Variants in METTL15 observed in about 807,000 individuals in gnomAD.
METTL15 encodes 12S rRNA N(4)-cytidine methyltransferase METTL15.
In METTL15, 34 loss-of-function variants were observed where a neutral mutation model predicts 38.3. That is an observed-to-expected ratio of 0.89 (90% CI 0.68 to 1.18). The LOEUF (loss-of-function observed/expected upper bound fraction) is 1.18, where lower values mean the gene tolerates loss of function less well. Ranked by LOEUF, METTL15 falls within the 50% of genes most tolerant of loss-of-function variation. The pLI is 0.00. For synonymous variants in METTL15, 162 were observed against 170.9 expected, an observed-to-expected ratio of 0.95 and a Z score of 0.41; for missense variants, 438 against 498.4, an observed-to-expected ratio of 0.88 and a Z score of 1.15.
intron 6 of METTL15, among the ~76,000 whole-genome samples, chr11:28,489,149 C>T (rs1012899843): frequency 6.6e-6 from 1 of 152,224 alleles, no homozygotes; most frequent in African/African-American, 2.4e-5. Context: ...GGCTGATGCT[C>T]CTAGCTCCTC....
chr11:28,113,931 G>C (rs1851832226), intron 3 of METTL15, among the ~76,000 whole-genome samples: 1 of 152,218 alleles, frequency 6.6e-6, no homozygotes, highest in African/African-American at 2.4e-5. Flanking sequence ...AGGTAGGTTA[G>C]ACTAAGCTAT....
At chr11:28,312,272 T>G (rs1857330594) in intron 6 of METTL15, among the ~76,000 whole-genome samples, 1 of 152,204 alleles carries the variant, frequency 6.6e-6, no homozygotes, top group South Asian at 2.1e-4. Flanking sequence ...CCAATTATTG[T>G]TATTCATTAA....
At chr11:28,346,866 C>T (rs1482210466) in intron 3 of METTL15, among the ~76,000 whole-genome samples, 1 of 152,068 alleles carries the variant, frequency 6.6e-6, no homozygotes, top group Admixed American at 6.6e-5. Flanking sequence ...GGTTAGCCTC[C>T]ACAGGTGCAC....
At chr11:28,286,321 C>A (rs1192850597) in intron 4 of METTL15, among the ~76,000 whole-genome samples, 10 of 152,082 alleles carry the variant, frequency 6.6e-5, no homozygotes, top group African/African-American at 2.4e-4. Context: ...TTACAAAATA[C>A]CTTCATAGCA....
intron 6 of METTL15, among the ~76,000 whole-genome samples, chr11:28,447,194 G>A (rs1190030193): frequency 1.3e-5 from 2 of 151,930 alleles, no homozygotes; most frequent in Admixed American, 6.6e-5. Context: ...GAGCATCTTA[G>A]GCTGTTTAAT....
At chr11:28,443,158 G>T (rs7111851) in intron 6 of METTL15, among the ~76,000 whole-genome samples, 1 of 151,930 alleles carries the variant, frequency 6.6e-6, no homozygotes, top group Admixed American at 6.6e-5. Context: ...AGGAAAGTGG[G>T]ATTAAAAGAA....
chr11:28,310,954 TGGTGGTG>T (rs1857268274), intron 6 of METTL15, among the ~76,000 whole-genome samples: 3 of 90,766 alleles, frequency 3.3e-5, no homozygotes, highest in East Asian at 3.5e-4. Flanking sequence ...GTGGTGGTGG[TGGTGGTG>T]GTGGGTGTGT....
intron 6 of METTL15, among the ~76,000 whole-genome samples, chr11:28,478,093 A>G (rs1190667478): frequency 6.6e-6 from 1 of 152,210 alleles, no homozygotes; most frequent in Non-Finnish European, 1.5e-5. Flanking sequence ...ACTTTATTTT[A>G]TATTTTATTT....
intron 3 of METTL15, among the ~76,000 whole-genome samples, chr11:28,137,402 G>A (rs761273181): frequency 1.8e-4 from 27 of 152,192 alleles, no homozygotes; most frequent in Middle Eastern, 3.4e-3. Context: ...TGCACCTTGC[G>A]GGTGAATCTG....
At chr11:28,378,883 C>T (rs1408722121) in intron 5 of METTL15, among the ~76,000 whole-genome samples, 1 of 148,830 alleles carries the variant, frequency 6.7e-6, no homozygotes, top group Non-Finnish European at 1.5e-5. Context: ...CTTTTTATTA[C>T]AACTTTTATC....
At chr11:28,392,883 C>T (rs1850526560) in intron 5 of METTL15, among the ~76,000 whole-genome samples, 1 of 151,864 alleles carries the variant, frequency 6.6e-6, no homozygotes, top group African/African-American at 2.4e-5. Flanking sequence ...ATACAAATGG[C>T]TAACAGGCTT....
chr11:28,218,780 T>A (rs1440368399), intron 4 of METTL15, among the ~76,000 whole-genome samples: 8 of 152,208 alleles, frequency 5.3e-5, no homozygotes, highest in African/African-American at 1.9e-4. Flanking sequence ...GGCTGTTGAA[T>A]TTTTTCAAAG....
At position 28,330,537 on chromosome 11, in the gene METTL15, A is replaced by G; in HGVS notation, c.920A>G (p.Gln307Arg). The change falls in exon 7 of 7, where the codon CAG (glutamine) becomes CGG (arginine). Residue 307 changes from glutamine to arginine, a missense_variant. Coordinates refer to ENST00000407364, the MANE Select transcript of METTL15 (RefSeq NM_001113528.2). ...CTCTACACGGGACTGAAGACAGCTCAGAAGTTTCTGAGACCTGGTGGTCGT... is the reference window on the plus strand; with the variant it reads ...CTCTACACGGGACTGAAGACAGCTCGGAAGTTTCTGAGACCTGGTGGTCGT... ...NELYTGLKTAQKFLRPGGRLV... is the reference protein window; with the variant it reads ...NELYTGLKTARKFLRPGGRLV... The G allele has an allele frequency of 1.3e-6, 2 of 1,551,698 alleles. No individual in the cohort carries two copies. The highest frequency in any genetic ancestry group is 1.7e-6 in the Non-Finnish European group (2 of 1,146,982).
intron 5 of METTL15, among the ~76,000 whole-genome samples, chr11:28,381,709 T>C (rs1023208545): frequency 1.6e-4 from 24 of 152,302 alleles, no homozygotes; most frequent in African/African-American, 5.3e-4. Flanking sequence ...TGTTTGATTT[T>C]TTAAATTGTT....
At chr11:28,239,347 AG>A (rs1854183175) in intron 4 of METTL15, among the ~76,000 whole-genome samples, 2 of 152,238 alleles carry the variant, frequency 1.3e-5, no homozygotes, top group Admixed American at 6.5e-5. Context: ...ATAATAAAAA[AG>A]CATACTAATC....
At chr11:28,242,166 G>T (rs544841982) in intron 4 of METTL15, among the ~76,000 whole-genome samples, 11 of 152,114 alleles carry the variant, frequency 7.2e-5, no homozygotes, top group Non-Finnish European at 1.3e-4. Flanking sequence ...TATAGAAGAA[G>T]TATACATATG....
intron 5 of METTL15, among the ~76,000 whole-genome samples, chr11:28,403,826 A>G (rs183278039): frequency 1.3e-5 from 2 of 151,204 alleles, no homozygotes; most frequent in Admixed American, 1.3e-4. Flanking sequence ...TTTTTCTTGC[A>G]AGTTTTCTTT....
At position 28,359,542 on chromosome 11, in the gene METTL15, A is replaced by G. The variant is rs567478657; in HGVS notation, c.*259-2395A>G. 9.2e-5 allele frequency among the ~76,000 whole-genome samples: 14 copies of G among 152,288 alleles called. No homozygotes were observed. The South Asian group carries it at 2.3e-3, about 25-fold the overall frequency. On this transcript the variant is annotated intron_variant and NMD_transcript_variant, in intron 4 of 7. Coordinates refer to the METTL15 transcript ENST00000532947. ...TGAACTTATTTTCATTCCCACCAAC[A>G]GTATATAATTGTTCCCTTTTCTCCG...
At chr11:28,360,920 G>A (rs933072686) in intron 4 of METTL15, among the ~76,000 whole-genome samples, 14 of 148,210 alleles carry the variant, frequency 9.4e-5, no homozygotes, top group Non-Finnish European at 1.3e-4. Flanking sequence ...TTGGTTTTTT[G>A]TCCTTGCGAT....
Sources: allele counts gnomAD v4.1 joint callset (sites outside exome capture counted in the v4.1 genomes callset), GRCh38; gene constraint gnomAD v4.1.1; transcripts MANE v1.5; gene names NCBI Gene and HGNC (gene_info 2026-07-23, HGNC 2026-07-21).